Variants in AGBL1 observed in about 807,000 individuals in gnomAD.
The protein encoded by AGBL1 is AGBL carboxypeptidase 1, also known as cytosolic carboxypeptidase 4.
AGBL1 carries 130 observed loss-of-function variants against 118.9 expected under a neutral mutation model. The ratio of observed to expected loss-of-function variants is 1.09; its 90% confidence interval spans 0.95 to 1.26. The LOEUF (loss-of-function observed/expected upper bound fraction) is 1.26. Ranked by LOEUF, AGBL1 falls within the 50% of genes most tolerant of loss-of-function variation. The pLI, the probability that AGBL1 is intolerant of heterozygous loss-of-function variation, is 0.00. For synonymous variants in AGBL1, 555 were observed against 478.9 expected, an observed-to-expected ratio of 1.16 and a Z score of -2.08; for missense variants, 1,584 against 1,298.1, an observed-to-expected ratio of 1.22 and a Z score of -3.38.
intron 21 of AGBL1, among the ~76,000 whole-genome samples, chr15:86,594,881 C>G (rs1339679659): frequency 6.6e-6 from 1 of 152,134 alleles, no homozygotes; most frequent in African/African-American, 2.4e-5. Context: ...GCCTTTATGC[C>G]TACTTGAATA....
intron 18 of AGBL1, among the ~76,000 whole-genome samples, chr15:86,435,021 T>A (rs2081984450): frequency 6.6e-6 from 1 of 152,200 alleles, no homozygotes. Context: ...CGCTGAAAGA[T>A]CCTTGAGCTA....
chr15:86,855,119 T>C (rs570836556), intron 22 of AGBL1, among the ~76,000 whole-genome samples: 2 of 152,336 alleles, frequency 1.3e-5, no homozygotes, highest in Admixed American at 1.3e-4. Context: ...TGCATCATTT[T>C]TACCAGTTTT....
At chr15:86,473,294 A>C (rs911879042) in intron 18 of AGBL1, among the ~76,000 whole-genome samples, 1 of 152,188 alleles carries the variant, frequency 6.6e-6, no homozygotes, top group African/African-American at 2.4e-5. Flanking sequence ...GCCCCCTCCC[A>C]GGGCCATTCT....
chr15:86,995,963 A>G (rs2141750983), intron 24 of AGBL1, among the ~76,000 whole-genome samples: 1 of 152,240 alleles, frequency 6.6e-6, no homozygotes, highest in South Asian at 2.1e-4. Context: ...GGAAAAAATC[A>G]CTTTTTAGAG....
chr15:86,370,604 T>C lies in AGBL1; in HGVS notation c.2375-26762T>C, dbSNP rs530855057. On this transcript the variant is annotated intron_variant, in intron 17 of 22. Transcript: ENST00000614907. ...GCCACTGTGCCTGGCCTGTTTCTAT[T>C]CTTTAACGCCAGGACAGGTGATACC... is the stretch of plus-strand genomic sequence containing the variant. Among the ~76,000 whole-genome samples the C allele has an allele frequency of 1.8e-3, 273 of 152,292 alleles. 1 individual carries two copies. Among genetic ancestry groups the C allele is most frequent in the African/African-American group, 6.3e-3 (263 of 41,552 alleles).
intron 22 of AGBL1, among the ~76,000 whole-genome samples, chr15:86,758,397 T>C (rs983991385): frequency 4.6e-5 from 7 of 152,074 alleles, no homozygotes; most frequent in African/African-American, 1.4e-4. Context: ...GTTTGGGCTA[T>C]TATATGTGTT....
intron 11 of AGBL1, among the ~76,000 whole-genome samples, chr15:86,265,291 C>G (rs1157590849): frequency 1.3e-5 from 2 of 152,130 alleles, no homozygotes; most frequent in Non-Finnish European, 2.9e-5. Flanking sequence ...ACAGCCCTAG[C>G]TATTATAGAC....
At chr15:86,142,128 TC>T (rs1348358740) in intron 2 of AGBL1, 61 bp downstream of exon 2, 1 of 1,507,478 alleles carries the variant, frequency 6.6e-7, no homozygotes, top group Non-Finnish European at 9.0e-7. Flanking sequence ...GGCTGTGATC[TC>T]TCCCAGGCAC....
chr15:86,753,868 C>T (rs149202328), intron 22 of AGBL1, among the ~76,000 whole-genome samples: 5 of 152,256 alleles, frequency 3.3e-5, no homozygotes, highest in African/African-American at 9.6e-5. Flanking sequence ...CTCCCTCTAT[C>T]CCAGTGTCTT....
chr15:86,236,799 T>A (rs1034211792), intron 6 of AGBL1, among the ~76,000 whole-genome samples: 2 of 151,768 alleles, frequency 1.3e-5, no homozygotes, highest in Middle Eastern at 3.2e-3. Flanking sequence ...CTGATTTGCA[T>A]AGGGCTCAGG....
At chr15:86,842,429 G>A (rs1339670607) in intron 22 of AGBL1, among the ~76,000 whole-genome samples, 4 of 152,110 alleles carry the variant, frequency 2.6e-5, no homozygotes, top group Non-Finnish European at 5.9e-5. Context: ...TCTGTGGCAG[G>A]CAGAGTCTGG....
intron 17 of AGBL1, among the ~76,000 whole-genome samples, chr15:86,316,245 A>G (rs12901001): frequency 0.6 from 90,743 of 152,064 alleles, 27,742 homozygotes; most frequent in Non-Finnish European, 0.67. Flanking sequence ...TCTGTTTCCG[A>G]GTTGAAATAA....
chr15:87,012,116 C>T (rs963430391), intron 24 of AGBL1, among the ~76,000 whole-genome samples: 1 of 151,886 alleles, frequency 6.6e-6, no homozygotes, highest in African/African-American at 2.4e-5. Flanking sequence ...AGAATAGGCT[C>T]AGGTATGCTC....
At chr15:86,085,614 C>T (rs1479100543) in intron 1 of AGBL1, among the ~76,000 whole-genome samples, 1 of 152,142 alleles carries the variant, frequency 6.6e-6, no homozygotes, top group Admixed American at 6.5e-5. Context: ...TCTTCCTATA[C>T]CTGTTCCCAA....
In AGBL1 at chr15:86,863,402, C is replaced by G. The variant is rs1193597164; in HGVS notation, c.3159-43685C>G. 2.6e-5 allele frequency among the ~76,000 whole-genome samples: 4 copies of G among 152,248 alleles called. No homozygotes were observed. The East Asian group carries it at 7.8e-4, about 30-fold the overall frequency. On this transcript the variant is annotated intron_variant, in intron 22 of 22. Transcript: ENST00000614907. The stretch of plus-strand genomic sequence containing the variant: ...ATTCACACCGTGTGAGCAGCTGCAA[C>G]TGTGACTCAGGCTCTAGATTCAAGC...
At chr15:86,241,730 C>G (rs1442705465) in intron 6 of AGBL1, among the ~76,000 whole-genome samples, 1 of 152,220 alleles carries the variant, frequency 6.6e-6, no homozygotes, top group Non-Finnish European at 1.5e-5. Context: ...CCTCTTAATA[C>G]TATCACATTG....
chr15:86,897,764 C>CTTTTTTTTTTTTT (rs71460231), intron 22 of AGBL1, among the ~76,000 whole-genome samples: 31 of 80,620 alleles, frequency 3.8e-4, no homozygotes, highest in African/African-American at 1.2e-3. Context: ...CATCTTTTAT[C>CTTTTTTTTTTTTT]TTTTTTTTTT....
At chr15:86,485,572 A>G (rs1458459724) in intron 18 of AGBL1, among the ~76,000 whole-genome samples, 1 of 152,136 alleles carries the variant, frequency 6.6e-6, no homozygotes, top group African/African-American at 2.4e-5. Flanking sequence ...ATAAAACTGT[A>G]TTTATGTACA....
At chr15:86,175,989 G>T (rs1301106132) in intron 5 of AGBL1, among the ~76,000 whole-genome samples, 1 of 152,182 alleles carries the variant, frequency 6.6e-6, no homozygotes, top group Non-Finnish European at 1.5e-5. Flanking sequence ...TTCTGTAAAT[G>T]TTAGGTCTAC....
Sources: gnomAD v4.1 joint callset for allele counts (sites outside exome capture counted in the v4.1 genomes callset) on GRCh38, gnomAD v4.1.1 for gene constraint, MANE v1.5 for transcripts, NCBI Gene and HGNC (gene_info 2026-07-23, HGNC 2026-07-21) for gene names.